Variants in CELSR2 observed in about 807,000 individuals in gnomAD.
CELSR2 encodes cadherin EGF LAG seven-pass G-type receptor 2.
In CELSR2, 81 loss-of-function variants were observed where a neutral mutation model predicts 251.6. The observed-to-expected ratio is 0.32, with a 90% confidence interval of 0.27 to 0.39. The LOEUF (loss-of-function observed/expected upper bound fraction) is 0.39. CELSR2 is among the 10% of genes least tolerant of loss of function. The pLI is 1.00. For synonymous variants in CELSR2, 1,721 were observed against 1,670.5 expected (o/e 1.03, Z -0.74); for missense variants, 3,365 against 3,947.7 (o/e 0.85, Z 3.96).
chr1:109,267,444 TCCCCGG>T (rs946893473), intron 15 of CELSR2, 98 bp from the exon 16 acceptor site: 1 of 1,008,368 alleles, frequency 9.9e-7, no homozygotes, highest in African/African-American at 1.6e-5. Context: ...CTAGTTACTG[TCCCCGG>T]CCCATGAGGT....
rs760501877 is a variant in CELSR2 at position 109,267,925 on chromosome 1, C to T, written c.6183C>T (p.Asn2061=). The T allele has an allele frequency of 1.3e-5, 21 of 1,611,520 alleles. No individual in the cohort carries two copies. The highest frequency in any genetic ancestry group is 1.7e-4 in the Middle Eastern group (1 of 5,960). The change falls in exon 17 of 34, where the codon AAC becomes AAT. Residue 2061 remains asparagine, a synonymous_variant. Coordinates refer to ENST00000271332, the MANE Select transcript of CELSR2 (RefSeq NM_001408.3). ...RSQQLALLLR[N]ATQHTAGYFG... is the part of the protein sequence containing the mutation. ...AGCAGCTAGCCCTGCTCCTGCGCAACGCCACGCAGCACACAGCTGGCTACT... is the reference window on the plus strand; with the variant it reads ...AGCAGCTAGCCCTGCTCCTGCGCAATGCCACGCAGCACACAGCTGGCTACT...
intron 33 of CELSR2, 58 bp downstream of exon 33, chr1:109,273,728 C>A: frequency 1.5e-6 from 2 of 1,330,804 alleles, no homozygotes; most frequent in Non-Finnish European, 2.0e-6. Context: ...TCACCTGGGC[C>A]CAGAGCTGCC....
Position 109,274,248 on chromosome 1 carries a change from C to CA in CELSR2, c.*199_*200insA. The stretch of plus-strand genomic sequence containing the variant: ...AGGCCATCTAGTGCCAACTCCCCCC[C>CA]CACCATTCCCCTCACTGCACTTTGG... On this transcript the variant is annotated 3_prime_UTR_variant, in exon 34 of 34. Coordinates refer to ENST00000271332, the MANE Select transcript of CELSR2 (RefSeq NM_001408.3). 1.5e-6 allele frequency: 2 copies of CA among 1,337,278 alleles called. No homozygotes were observed. Among genetic ancestry groups the CA allele is most frequent in the Non-Finnish European group, 2.0e-6 (2 of 1,004,404 alleles). The allele number at this position is 1,337,278 out of a possible 1,614,324, so 82.8% of individuals were successfully genotyped here.
At chr1:109,255,310 C>G (rs1655816075) in intron 1 of CELSR2, among the ~76,000 whole-genome samples, 1 of 152,198 alleles carries the variant, frequency 6.6e-6, no homozygotes, top group Non-Finnish European at 1.5e-5. Context: ...CCGGTGCCCT[C>G]TCCCTGCTCC....
At position 109,253,245 on chromosome 1, in the gene CELSR2, A is replaced by G. The variant is rs373531805; in HGVS notation, c.3166A>G (p.Ile1056Val). The change falls in exon 1 of 34, where the codon ATC (isoleucine) becomes GTC (valine). Residue 1056 changes from isoleucine (I) to valine (V), a missense_variant. This residue lies in a region of CELSR2 where 505 missense variants were observed against 660.0 expected (regional missense o/e 0.77). Coordinates refer to ENST00000271332, the MANE Select transcript of CELSR2 (RefSeq NM_001408.3). ...IGRVPAHDPDISDSLTYSFER... is the reference protein window; with the variant it reads ...IGRVPAHDPDVSDSLTYSFER... ...CCGAGTACCTGCCCATGACCCTGAT[A>G]TCTCAGATAGTCTGACTTACAGCTT... is the stretch of plus-strand genomic sequence containing the variant. The G allele has an allele frequency of 9.9e-6, 16 of 1,613,488 alleles. No individual in the cohort carries two copies. Among genetic ancestry groups the G allele is most frequent in the Non-Finnish European group, 1.4e-5 (16 of 1,180,034 alleles).
intron 5 of CELSR2, 96 bp from the exon 6 acceptor site, chr1:109,262,191 A>T: frequency 1.3e-6 from 2 of 1,503,788 alleles, no homozygotes; most frequent in Non-Finnish European, 9.0e-7. Flanking sequence ...GTGTCTGGGC[A>T]TGTGGGTGCA....
intron 25 of CELSR2, 32 bp from the exon 26 acceptor site, chr1:109,271,185 C>G: frequency 2.5e-6 from 4 of 1,606,434 alleles, no homozygotes; most frequent in East Asian, 2.2e-5. Flanking sequence ...TTTGTCCCCA[C>G]TGAGCACCCC....
chr1:109,259,180 C>T (rs1655948495), intron 2 of CELSR2, 101 bp downstream of exon 2: 2 of 1,041,056 alleles, frequency 1.9e-6, no homozygotes, highest in Non-Finnish European at 1.4e-6. Context: ...ATTCTCTTCC[C>T]GAGTGAGGTG....
intron 1 of CELSR2, 129 bp downstream of exon 1, chr1:109,253,518 G>C (rs548346568): frequency 7.0e-7 from 1 of 1,437,728 alleles, no homozygotes; most frequent in Non-Finnish European, 9.1e-7. Context: ...CTGGCACAGA[G>C]CAGGAGGGGC....
rs927757225 is a variant in CELSR2 at position 109,251,133 on chromosome 1, C to G, written c.1054C>G (p.Arg352Gly). 7.4e-6 allele frequency: 12 copies of G among 1,613,248 alleles called. No individual in the cohort carries two copies. Among genetic ancestry groups the G allele is most frequent in the Non-Finnish European group, 9.3e-6 (11 of 1,179,948 alleles). The change falls in exon 1 of 34, where the codon CGT (arginine) becomes GGT (glycine). Residue 352 changes from arginine to glycine, a missense_variant. Arg to Gly is a moderately radical substitution (Grantham distance 125, BLOSUM62 -2). Transcript: ENST00000271332. This position sits in a 1 kb window ranked among gnomAD's most constrained non-coding sequence, Gnocchi z 4.9. ...CCCTCGCTCTGGGGTGATCCGAACC[C>G]GTGGCCCTGTGGATCGGGAAGAGGT... ...IDPRSGVIRT[R>G]GPVDREEVES...
chr1:109,259,506 G>A (rs1655961789), intron 2 of CELSR2, among the ~76,000 whole-genome samples: 4 of 152,224 alleles, frequency 2.6e-5, no homozygotes, highest in Admixed American at 2.6e-4. Flanking sequence ...TGGTGGCATG[G>A]AAGGTGTTGG....
chr1:109,268,097 A>AG (rs1440311167), intron 17 of CELSR2, 37 bp downstream of exon 17: 2 of 1,566,412 alleles, frequency 1.3e-6, no homozygotes, highest in African/African-American at 2.7e-5. Flanking sequence ...CTGGTTAGAT[A>AG]GGGGTCATGG....
At position 109,273,657 on chromosome 1, in the gene CELSR2, T is replaced by TC; in HGVS notation, c.8732dup (p.Ser2912ValfsTer9). ...CAAGGCAGGCACGGTGGATGAGGAC[T>TC]CGTCAGGCTCCGAGTGAGTGTGGCC... is the stretch of plus-strand genomic sequence containing the variant. On this transcript the variant is annotated frameshift_variant, in exon 33 of 34. Coordinates refer to ENST00000271332, the MANE Select transcript of CELSR2 (RefSeq NM_001408.3). LOFTEE classifies it high-confidence loss of function. The TC allele has an allele frequency of 7.2e-7, 1 of 1,392,996 alleles. No homozygotes were observed. The highest frequency in any genetic ancestry group is 1.4e-5 in the South Asian group (1 of 72,372). 86.3% of individuals were successfully genotyped at this position (1,392,996 alleles called of 1,614,324 possible). A position where few individuals can be genotyped will look rare whatever the true frequency, so the allele number is the denominator to read the frequency against.
Position 109,264,211 on chromosome 1 carries a change from C to T in CELSR2, c.5135C>T (p.Pro1712Leu), listed in dbSNP as rs759269525. ...CTGGCACTGGGAGCCAGCGGGGGGCCCGGCCATGCCATTCTGTCCTTCGAT... is the reference window on the plus strand; with the variant it reads ...CTGGCACTGGGAGCCAGCGGGGGGCTCGGCCATGCCATTCTGTCCTTCGAT... ...AQLALGASGG[P>L]GHAILSFDYG... Residue 1712 changes from proline to leucine, a missense_variant, in exon 10 of 34, where the codon CCC becomes CTC. Transcript: ENST00000271332. 5.6e-6 allele frequency: 9 copies of T among 1,613,558 alleles called. No individual in the cohort carries two copies. The East Asian group carries it at 2.0e-4, about 36-fold the overall frequency.
chr1:109,268,832 G>A (rs1005479910), intron 18 of CELSR2, 48 bp from the exon 19 acceptor site: 5 of 1,584,064 alleles, frequency 3.2e-6, no homozygotes, highest in African/African-American at 1.3e-5. Flanking sequence ...GCTGTGCTGG[G>A]GTCCTGCCTG....
chr1:109,269,361 C>G lies in CELSR2; in HGVS notation c.6813-63C>G. 3 of 1,608,340 alleles carry G rather than the reference C, an allele frequency of 1.9e-6. No homozygotes were observed. The highest frequency in any genetic ancestry group is 2.5e-6 in the Non-Finnish European group (3 of 1,176,872). On this transcript the variant is annotated intron_variant, in intron 20 of 33. Transcript: ENST00000271332. This position sits in a 1 kb window ranked among gnomAD's most constrained non-coding sequence, Gnocchi z 6.4. ...GTGAGTGCTGAGGCATGGAGGGGGT[C>G]GGGGGCGTCTCCCCAGTCATGTGAC...
chr1:109,262,671 C>G, intron 6 of CELSR2, 135 bp from the exon 7 acceptor site: 1 of 1,454,056 alleles, frequency 6.9e-7, no homozygotes, highest in Non-Finnish European at 9.3e-7. Context: ...GGGTGACGCC[C>G]TTCCTGAGCA....
chr1:109,266,823 G>A (rs1186189479), intron 15 of CELSR2, among the ~76,000 whole-genome samples: 3 of 150,640 alleles, frequency 2.0e-5, no homozygotes, highest in African/African-American at 7.3e-5. Flanking sequence ...AGGTTCAAGC[G>A]ATTCTCCTAC....
In CELSR2 at chr1:109,265,224, A is replaced by T; in HGVS notation, c.5640A>T (p.Gly1880=). 1 of 1,611,552 alleles carries T rather than the reference A, an allele frequency of 6.2e-7. No individual in the cohort carries two copies. Among genetic ancestry groups the T allele is most frequent in the Non-Finnish European group, 8.5e-7 (1 of 1,178,498 alleles). ...AGCCTTGTCCCCGTGGCTGGTGGGG[A>T]CATCCCACATGTGGCCCATGCAACT... is the stretch of plus-strand genomic sequence containing the variant. ...IDQPCPRGWW[G]HPTCGPCNCD... is the part of the protein sequence containing the mutation. Residue 1880 remains glycine, a synonymous_variant, in exon 13 of 34, where the codon GGA becomes GGT. Transcript: ENST00000271332.
Sources: gnomAD v4.1 joint callset for allele counts (sites outside exome capture counted in the v4.1 genomes callset) on GRCh38, gnomAD v4.1.1 for gene constraint, gnomAD v4.1.1 regional missense constraint, Gnocchi (gnomAD v3.1) non-coding constraint, MANE v1.5 for transcripts, NCBI Gene and HGNC (gene_info 2026-07-23, HGNC 2026-07-21) for gene names.